Variants in PDE8B observed in about 807,000 individuals in gnomAD.
The protein encoded by PDE8B is high affinity cAMP-specific and IBMX-insensitive 3',5'-cyclic phosphodiesterase 8B.
PDE8B carries 26 observed loss-of-function variants against 101.3 expected under a neutral mutation model. The ratio of observed to expected loss-of-function variants is 0.26; its 90% CI spans 0.19 to 0.36. The LOEUF (loss-of-function observed/expected upper bound fraction) is 0.36, where lower values mean the gene tolerates loss of function less well. PDE8B is among the 10% of genes least tolerant of loss of function. The pLI is 1.00. For synonymous variants in PDE8B, 424 were observed against 429.3 expected, an observed-to-expected ratio of 0.99 and a Z score of 0.15; for missense variants, 810 against 1,163.1, an observed-to-expected ratio of 0.70 and a Z score of 4.42.
At chr5:77,225,791 TC>T (rs1752209525) in intron 1 of PDE8B, among the ~76,000 whole-genome samples, 1 of 151,984 alleles carries the variant, frequency 6.6e-6, no homozygotes, top group Non-Finnish European at 1.5e-5. Context: ...ATGACATAAA[TC>T]CTGGTTCTTA....
rs1347973573 is a variant in PDE8B, at chr5:77,211,142, G to A, written c.217G>A (p.Glu73Lys). The change falls in exon 1 of 22, where the codon GAG becomes AAG. Residue 73 changes from glutamate (E) to lysine (K), a missense_variant. By Grantham distance (56) the Glu-to-Lys change is moderately conservative (BLOSUM62 1). Transcript: ENST00000264917. This position sits in a 1 kb window ranked among gnomAD's most constrained non-coding sequence, Gnocchi z 4.1. ...AGCCCGCGTCCGCAGGGCCCGCACC[G>A]AGCTGGGCAGCGGTAGCAGCGCGGG... ...SVARVRRART[E>K]LGSGSSAGSA... 2 of 1,527,160 alleles carry A rather than the reference G, an allele frequency of 1.3e-6. No homozygotes were observed. The highest frequency in any genetic ancestry group is 2.0e-5 in the Admixed American group (1 of 50,734). The allele number at this position is 1,527,160 out of a possible 1,614,324, so 94.6% of individuals were successfully genotyped here.
the PDE8B span, among the ~76,000 whole-genome samples, chr5:77,188,888 G>A: frequency 6.6e-6 from 1 of 152,116 alleles, no homozygotes; most frequent in African/African-American, 2.4e-5. Flanking sequence ...TAAGTCTGAG[G>A]GTAAAGCATA....
the PDE8B span, among the ~76,000 whole-genome samples, chr5:77,174,049 T>C: frequency 6.6e-6 from 1 of 152,216 alleles, no homozygotes; most frequent in Admixed American, 6.5e-5. Flanking sequence ...TCCTACTCTC[T>C]GTTCAGCCCT....
intron 2 of PDE8B, among the ~76,000 whole-genome samples, chr5:77,325,053 C>T (rs1775786432): frequency 6.6e-6 from 1 of 152,190 alleles, no homozygotes; most frequent in Non-Finnish European, 1.5e-5. Context: ...ATACCTTGTT[C>T]AAAGACCACT....
At chr5:77,118,452 T>A in the PDE8B span, 1 of 398,450 alleles carries the variant, frequency 2.5e-6, no homozygotes, top group African/African-American at 2.1e-5. Context: ...TTCAGAGTAC[T>A]CTGGGTGAGG....
At chr5:77,152,552 GC>G in the PDE8B span, among the ~76,000 whole-genome samples, 1 of 152,280 alleles carries the variant, frequency 6.6e-6, no homozygotes, top group East Asian at 1.9e-4. Flanking sequence ...AATATACCTG[GC>G]TTAGAAAAGC....
intron 10 of PDE8B, among the ~76,000 whole-genome samples, chr5:77,397,287 C>G (rs1791285199): frequency 6.6e-6 from 1 of 151,970 alleles, no homozygotes; most frequent in African/African-American, 2.4e-5. Context: ...GACTTGGCCT[C>G]CCAAAGTGCT....
chr5:77,112,317 A>C, the PDE8B span: 29 of 152,198 alleles, frequency 1.9e-4, no homozygotes, highest in African/African-American at 7.0e-4. Context: ...GAAAGACAAA[A>C]TATCGTAGCA....
chr5:77,148,414 G>T, the PDE8B span: 1 of 152,168 alleles, frequency 6.6e-6, no homozygotes, highest in African/African-American at 2.4e-5. Flanking sequence ...TCACTAGATT[G>T]TATGGTAAAT....
At chr5:77,344,795 A>G (rs1479042821) in intron 6 of PDE8B, 58 bp from the exon 7 acceptor site, 7 of 1,082,126 alleles carry the variant, frequency 6.5e-6, no homozygotes, top group Non-Finnish European at 1.0e-5. Flanking sequence ...TTAAATTAAC[A>G]GATGAAATGT....
At position 77,418,282 on chromosome 5, in the gene PDE8B, T is replaced by G; in HGVS notation, c.1965T>G (p.His655Gln). The stretch of plus-strand genomic sequence containing the variant: ...CAGCCCTCATTGCTGCCACAGTCCA[T>G]GACGTGGATCACCCGGGAAGGACCA... ...EVAALIAATVHDVDHPGRTNS... is the reference protein window; with the variant it reads ...EVAALIAATVQDVDHPGRTNS... The change falls in exon 18 of 22, where the codon CAT becomes CAG. Residue 655 changes from histidine (H) to glutamine (Q), a missense_variant. Coordinates refer to ENST00000264917, the MANE Select transcript of PDE8B (RefSeq NM_003719.5). 6.2e-7 allele frequency: 1 copy of G among 1,614,024 alleles called. No homozygotes were observed. Among genetic ancestry groups the G allele is most frequent in the South Asian group, 1.1e-5 (1 of 91,080 alleles).
chr5:77,370,767 C>T (rs1235684242), intron 10 of PDE8B, among the ~76,000 whole-genome samples: 1 of 152,198 alleles, frequency 6.6e-6, no homozygotes, highest in South Asian at 2.1e-4. Flanking sequence ...CATTTGACAT[C>T]GCCAAGAACA....
In PDE8B at chr5:77,388,612, CGCT is replaced by C. The variant is rs1469142615; in HGVS notation, c.1168-11632_1168-11630del. Among the ~76,000 whole-genome samples, 11 of 152,284 alleles carry C rather than the reference CGCT, an allele frequency of 7.2e-5. No individual in the cohort carries two copies. In the East Asian group the frequency reaches 2.1e-3, roughly 29 times the overall value. On this transcript the variant is annotated intron_variant, in intron 10 of 21. Transcript: ENST00000264917. ...AGCTTGCACGCTGTGCTGGGAGATC[CGCT>C]GCTCTCCTCAGAGCTGTCAGGCCGG...
chr5:77,204,410 CA>C, the PDE8B span, among the ~76,000 whole-genome samples: 18,471 of 106,008 alleles, frequency 0.17, 1,701 homozygotes, highest in East Asian at 0.51. Flanking sequence ...GACTCTGTCT[CA>C]AAAAAAAAAA....
At chr5:77,241,244 T>C (rs555059359) in intron 1 of PDE8B, among the ~76,000 whole-genome samples, 1 of 152,354 alleles carries the variant, frequency 6.6e-6, no homozygotes, top group East Asian at 1.9e-4. Flanking sequence ...CTCATCATTA[T>C]AGTCAAATAT....
rs529698073 is a variant in PDE8B, at chr5:77,428,187, A to G, written c.*1633A>G. The G allele has an allele frequency of 6.6e-6, 1 of 152,340 alleles. No homozygotes were observed. Among genetic ancestry groups the G allele is most frequent in the Admixed American group, 6.5e-5 (1 of 15,308 alleles). 9.4% of individuals were successfully genotyped at this position (152,340 alleles called of 1,614,324 possible). A position where few individuals can be genotyped will look rare whatever the true frequency, so the allele number is the denominator to read the frequency against. On this transcript the variant is annotated 3_prime_UTR_variant, in exon 22 of 22. Coordinates refer to ENST00000264917, the MANE Select transcript of PDE8B (RefSeq NM_003719.5). ...GTGAAGTACTTGTAACTAAATTCCTACAGCCATTTTTCACTCCCAACAGCT... is the reference window on the plus strand; with the variant it reads ...GTGAAGTACTTGTAACTAAATTCCTGCAGCCATTTTTCACTCCCAACAGCT...
chr5:77,288,759 C>T (rs1297180962), intron 1 of PDE8B, among the ~76,000 whole-genome samples: 1 of 151,780 alleles, frequency 6.6e-6, no homozygotes, highest in Non-Finnish European at 1.5e-5. Context: ...CATGACCACA[C>T]AGCGAGGTAA....
At chr5:77,254,867 C>T (rs1758786240) in intron 1 of PDE8B, among the ~76,000 whole-genome samples, 1 of 152,332 alleles carries the variant, frequency 6.6e-6, no homozygotes, top group African/African-American at 2.4e-5. Flanking sequence ...TGTATGCTCT[C>T]TGTAGCCTTA....
intron 10 of PDE8B, among the ~76,000 whole-genome samples, chr5:77,360,329 T>C (rs982866056): frequency 6.6e-6 from 1 of 152,192 alleles, no homozygotes; most frequent in African/African-American, 2.4e-5. Context: ...TACAAGATTC[T>C]GCTCACTCCG....
Sources: gnomAD v4.1 joint callset for allele counts (sites outside exome capture counted in the v4.1 genomes callset) on GRCh38, gnomAD v4.1.1 for gene constraint, Gnocchi (gnomAD v3.1) non-coding constraint, MANE v1.5 for transcripts, NCBI Gene and HGNC (gene_info 2026-07-23, HGNC 2026-07-21) for gene names.